The following INSR variants were observed in gnomAD, a reference collection of about 807,000 sequenced individuals.
INSR encodes the protein insulin receptor.
A neutral mutation model predicts 142.6 loss-of-function variants in INSR; 67 were observed. The observed-to-expected ratio is 0.47, with a 90% CI of 0.39 to 0.58. The LOEUF is 0.58. INSR is among the 20% of genes least tolerant of loss of function. The pLI, the probability that INSR is intolerant of heterozygous loss-of-function variation, is 0.00. For synonymous variants in INSR, 756 were observed against 743.1 expected, an observed-to-expected ratio of 1.02 and a Z score of -0.28; for missense variants, 1,248 against 1,833.2, an observed-to-expected ratio of 0.68 and a Z score of 5.83.
intron 1 of INSR, among the ~76,000 whole-genome samples, chr19:7,284,168 A>G (rs952206118): frequency 1.3e-5 from 2 of 150,836 alleles, no homozygotes; most frequent in African/African-American, 4.9e-5. Context: ...AGGCTCGAGC[A>G]ATTCTTGTGC....
In INSR at chr19:7,132,333, G is replaced by A; in HGVS notation, c.2683-16C>T. The A allele has an allele frequency of 6.2e-7, 1 of 1,612,706 alleles. No homozygotes were observed. Among genetic ancestry groups the A allele is most frequent in the Non-Finnish European group, 8.5e-7 (1 of 1,179,622 alleles). On this transcript the variant is annotated splice_polypyrimidine_tract_variant and intron_variant, in intron 13 of 21. Transcript: ENST00000302850. ...GATGCAGCTCCTGGGAGGAAGAGAG[G>A]AGGAGAAGGAGGGTGGCTGAGCTTT...
At chr19:7,289,509 G>T (rs370221902) in intron 1 of INSR, among the ~76,000 whole-genome samples, 2 of 149,982 alleles carry the variant, frequency 1.3e-5, no homozygotes, top group South Asian at 4.2e-4. Context: ...AGGTTCAAGC[G>T]ATTCTCCTGC....
Position 7,163,122 on chromosome 19 carries a change from C to T in INSR, c.1939G>A (p.Asp647Asn). 3.7e-6 allele frequency: 6 copies of T among 1,613,964 alleles called. No individual in the cohort carries two copies. Among genetic ancestry groups the T allele is most frequent in the South Asian group, 2.2e-5 (2 of 91,068 alleles). ...TAGTGGGTGATGTTGCCATTGGGGT[C>T]GGAGGGTGGTTTCCACTTCAGAATA... ...QIILKWKPPS[D>N]PNGNITHYLV... The change falls in exon 9 of 22, where the codon GAC becomes AAC. Residue 647 changes from aspartate to asparagine, a missense_variant. By Grantham distance (23) the Asp-to-Asn change is conservative (BLOSUM62 1). Coordinates refer to ENST00000302850, the MANE Select transcript of INSR (RefSeq NM_000208.4).
At chr19:7,252,609 G>C (rs1046821430) in intron 2 of INSR, among the ~76,000 whole-genome samples, 10 of 152,152 alleles carry the variant, frequency 6.6e-5, no homozygotes, top group African/African-American at 2.4e-4. Flanking sequence ...ACCGCGTGTG[G>C]ACATGACTAG....
intron 17 of INSR, among the ~76,000 whole-genome samples, chr19:7,124,657 A>C (rs1163363838): frequency 8.4e-6 from 1 of 119,050 alleles, no homozygotes; most frequent in Non-Finnish European, 1.7e-5. Flanking sequence ...ATAAAAATAA[A>C]GGTTTTGGAG....
chr19:7,142,282 C>T (rs188744754), intron 12 of INSR, among the ~76,000 whole-genome samples: 6 of 146,190 alleles, frequency 4.1e-5, no homozygotes, highest in Admixed American at 3.6e-4. Context: ...CCCAGCTACT[C>T]AGGAGGCTGA....
chr19:7,160,522 G>A (rs2144922000), intron 9 of INSR, among the ~76,000 whole-genome samples: 1 of 152,270 alleles, frequency 6.6e-6, no homozygotes, highest in East Asian at 1.9e-4. Context: ...CTACTCAGGA[G>A]GCTGAGGCGG....
At chr19:7,264,720 C>A (rs1432517620) in intron 2 of INSR, among the ~76,000 whole-genome samples, 1 of 152,216 alleles carries the variant, frequency 6.6e-6, no homozygotes, top group East Asian at 1.9e-4. Context: ...TGGCTCTGGG[C>A]AAGTTAAGTA....
intron 11 of INSR, among the ~76,000 whole-genome samples, chr19:7,147,331 C>T (rs1025712101): frequency 2.6e-5 from 4 of 152,016 alleles, no homozygotes; most frequent in African/African-American, 9.7e-5. Flanking sequence ...CACGTTACCA[C>T]ATCTGGCTAA....
Position 7,168,155 on chromosome 19 carries a change from C to G in INSR, c.1484-61G>C. On this transcript the variant is annotated intron_variant, in intron 6 of 21. Transcript: ENST00000302850. This position sits in a 1 kb window ranked among gnomAD's most constrained non-coding sequence, Gnocchi z 4.3. Reference sequence around the variant, plus strand: ...TTTCAGTGTAGTTTCAGACCAAAGCCTGGGACCCCCACACTTCCTGGAGGG... The same window carrying G: ...TTTCAGTGTAGTTTCAGACCAAAGCGTGGGACCCCCACACTTCCTGGAGGG... 5 of 1,567,322 alleles carry G rather than the reference C, an allele frequency of 3.2e-6. No individual in the cohort carries two copies. Among genetic ancestry groups the G allele is most frequent in the Non-Finnish European group, 4.4e-6 (5 of 1,140,608 alleles).
chr19:7,273,551 C>T (rs1300806826), intron 1 of INSR, among the ~76,000 whole-genome samples: 3 of 150,364 alleles, frequency 2.0e-5, no homozygotes, highest in Non-Finnish European at 1.5e-5. Flanking sequence ...TTGAGTCTTA[C>T]TCTGTTGCCC....
chr19:7,117,502 A>T, intron 21 of INSR, 92 bp from the exon 22 acceptor site: 1 of 888,704 alleles, frequency 1.1e-6, no homozygotes, highest in Non-Finnish European at 1.8e-6. Flanking sequence ...GCCGACACCC[A>T]CGGACCACAT....
chr19:7,117,377 G>A lies in INSR; in HGVS notation c.3828C>T (p.Asn1276=). 1 of 1,614,072 alleles carries A rather than the reference G, an allele frequency of 6.2e-7. No homozygotes were observed. The highest frequency in any genetic ancestry group is 8.5e-7 in the Non-Finnish European group (1 of 1,179,968). ...CCAGGAAGGTTGGCCTCATCTTGGGGTTGAATTGCCAGCACATGCGCATGA... is the reference window on the plus strand; with the variant it reads ...CCAGGAAGGTTGGCCTCATCTTGGGATTGAATTGCCAGCACATGCGCATGA... ...TDLMRMCWQF[N]PKMRPTFLEI... The change falls in exon 22 of 22, where the codon AAC becomes AAT. Residue 1276 remains asparagine (N), a synonymous_variant. Coordinates refer to ENST00000302850, the MANE Select transcript of INSR (RefSeq NM_000208.4).
intron 4 of INSR, among the ~76,000 whole-genome samples, chr19:7,172,747 C>T (rs971019244): frequency 8.6e-5 from 13 of 151,900 alleles, no homozygotes; most frequent in African/African-American, 2.9e-4. Context: ...AATAGCAACC[C>T]CCAGCTTGGT....
intron 2 of INSR, among the ~76,000 whole-genome samples, chr19:7,226,614 G>C (rs1975792602): frequency 6.6e-6 from 1 of 151,226 alleles, no homozygotes; most frequent in African/African-American, 2.4e-5. Flanking sequence ...TGTGGTCCCA[G>C]CTACTCGGGA....
intron 13 of INSR, among the ~76,000 whole-genome samples, chr19:7,136,975 G>A (rs1972944522): frequency 6.6e-6 from 1 of 151,680 alleles, no homozygotes; most frequent in African/African-American, 2.4e-5. Context: ...TGGGATTACA[G>A]GCGTGCACCA....
intron 2 of INSR, among the ~76,000 whole-genome samples, chr19:7,190,097 A>G (rs1974537120): frequency 6.6e-6 from 1 of 152,032 alleles, no homozygotes; most frequent in African/African-American, 2.4e-5. Flanking sequence ...CTGTAATCCC[A>G]GCACTTTGGG....
Position 7,267,168 on chromosome 19 carries a change from T to A in INSR, c.652+177A>T, listed in dbSNP as rs551613485. ...CATATGGCCTGCAAAATCTGAAGTA[T>A]CTACTATCTGAGTCTTTACAGAAAA... On this transcript the variant is annotated intron_variant, in intron 2 of 21. Transcript: ENST00000302850. This position sits in a 1 kb window ranked among gnomAD's most constrained non-coding sequence, Gnocchi z 6.3. Among the ~76,000 whole-genome samples, 36 of 152,242 alleles carry A rather than the reference T, an allele frequency of 2.4e-4. No individual in the cohort carries two copies. The highest frequency in any genetic ancestry group is 4.0e-4 in the Non-Finnish European group (27 of 68,026).
chr19:7,293,718 G>T, intron 1 of INSR, 74 bp downstream of exon 1: 1 of 1,209,184 alleles, frequency 8.3e-7, no homozygotes, highest in Non-Finnish European at 1.0e-6. Context: ...ACAAGCGGGG[G>T]CTCGATTTTG....
Sources: allele counts gnomAD v4.1 joint callset (sites outside exome capture counted in the v4.1 genomes callset), GRCh38; gene constraint gnomAD v4.1.1; non-coding constraint Gnocchi (gnomAD v3.1); transcripts MANE v1.5; gene names NCBI Gene and HGNC (gene_info 2026-07-23, HGNC 2026-07-21).